Variants in MED13 observed in about 807,000 individuals in gnomAD.
MED13 encodes the protein mediator of RNA polymerase II transcription subunit 13.
A neutral mutation model predicts 225.2 loss-of-function variants in MED13; 23 were observed. That is an observed-to-expected ratio of 0.10 (90% CI 0.07 to 0.14). MED13 has a LOEUF of 0.14. Ranked by LOEUF, MED13 falls within the 10% of genes least tolerant of loss-of-function variation. The probability of loss-of-function intolerance (pLI) is 1.00; values close to 1 mark genes in which losing one functional copy is unlikely to be tolerated. For missense variants in MED13, 2,197 were observed against 2,594.5 expected (o/e 0.85, Z 3.33); for synonymous variants, 942 against 889.2 (o/e 1.06, Z -1.06).
rs747320962 is a variant in MED13, at chr17:62,011,184, A to G, written c.1333T>C (p.Ser445Pro). 1.2e-6 allele frequency: 2 copies of G among 1,614,120 alleles called. No individual in the cohort carries two copies. The highest frequency in any genetic ancestry group is 4.5e-5 in the East Asian group (2 of 44,890). ...RNAGQQGQAP[S>P]LGQQQQILPK... ...AGTATTTGTTGTTGCTGACCTAAAG[A>G]TGGTGCCTGTCCTTGTTGTCCAGCA... is the stretch of plus-strand genomic sequence containing the variant. The change falls in exon 9 of 30, where the codon TCT becomes CCT. Residue 445 changes from serine (S) to proline (P), a missense_variant. By Grantham distance (74) the Ser-to-Pro change is moderately conservative (BLOSUM62 -1). This residue lies in a region of MED13 where 884 missense variants were observed against 918.5 expected (regional missense o/e 0.96). Transcript: ENST00000397786.
chr17:62,032,816 G>A (rs904255675), intron 5 of MED13, among the ~76,000 whole-genome samples: 2 of 152,188 alleles, frequency 1.3e-5, no homozygotes, highest in Non-Finnish European at 2.9e-5. Flanking sequence ...CTGGGTCCCT[G>A]AATGAGAGGA....
chr17:62,047,203 T>C (rs2080905872), intron 3 of MED13, among the ~76,000 whole-genome samples: 1 of 151,968 alleles, frequency 6.6e-6, no homozygotes, highest in Non-Finnish European at 1.5e-5. Context: ...AAACCCCGTC[T>C]CTACTAAAAA....
intron 3 of MED13, among the ~76,000 whole-genome samples, chr17:62,049,205 G>T (rs767195698): frequency 2.1e-4 from 32 of 151,212 alleles, no homozygotes; most frequent in Non-Finnish European, 3.8e-4. Context: ...CGGAAAAGAA[G>T]AATGAAGGGT....
At chr17:61,972,661 A>G in intron 17 of MED13, 66 bp downstream of exon 17, 6 of 1,350,272 alleles carry the variant, frequency 4.4e-6, no homozygotes, top group Non-Finnish European at 6.1e-6. Flanking sequence ...TGCTTATTCT[A>G]GTTGGGCACA....
rs1424668479 is a variant in MED13 at position 61,945,820 on chromosome 17, A to G, written c.*648T>C. 2 of 152,532 alleles carry G rather than the reference A, an allele frequency of 1.3e-5. No individual in the cohort carries two copies. Among genetic ancestry groups the G allele is most frequent in the South Asian group, 4.1e-4 (2 of 4,834 alleles). 9.4% of individuals were successfully genotyped at this position (152,532 alleles called of 1,614,324 possible). On this transcript the variant is annotated 3_prime_UTR_variant, in exon 30 of 30. Coordinates refer to ENST00000397786, the MANE Select transcript of MED13 (RefSeq NM_005121.3). ...TCCCCGTTAAACTGTACATCGAGACAATACAAATTTACTGTCCCACCCACC... is the reference window on the plus strand; with the variant it reads ...TCCCCGTTAAACTGTACATCGAGACGATACAAATTTACTGTCCCACCCACC...
At position 62,033,702 on chromosome 17, in the gene MED13, T is replaced by C. The variant is rs1312955291; in HGVS notation, c.814+85A>G. The C allele has an allele frequency of 7.0e-6, 9 of 1,287,210 alleles. No homozygotes were observed. In the Admixed American group the frequency reaches 1.8e-4, roughly 26 times the overall value. The allele number at this position is 1,287,210 out of a possible 1,614,324, so 79.7% of individuals were successfully genotyped here. On this transcript the variant is annotated intron_variant, in intron 5 of 29. Coordinates refer to ENST00000397786, the MANE Select transcript of MED13 (RefSeq NM_005121.3). The stretch of plus-strand genomic sequence containing the variant: ...TTTGGTGTTGAAAGCCACTGAGTTA[T>C]TAGACTTGTTTGTTATTCAGCAAAA...
Position 61,991,548 on chromosome 17 carries a change from C to T in MED13, c.2263+992G>A, listed in dbSNP as rs111667274. ...TGTTTGAGACAGAGTCTCGCTCTGT[C>T]GCCAGGCTGGAGTACAGTGACATGA... On this transcript the variant is annotated intron_variant, in intron 11 of 29. Coordinates refer to ENST00000397786, the MANE Select transcript of MED13 (RefSeq NM_005121.3). Among the ~76,000 whole-genome samples the T allele has an allele frequency of 3.9e-3, 587 of 151,846 alleles. 4 individuals carry two copies. Among genetic ancestry groups the T allele is most frequent in the African/African-American group, 0.013 (548 of 41,418 alleles).
intron 11 of MED13, among the ~76,000 whole-genome samples, chr17:61,988,968 C>T (rs2080271506): frequency 6.6e-6 from 1 of 152,054 alleles, no homozygotes; most frequent in Non-Finnish European, 1.5e-5. Context: ...CCCCTACCCC[C>T]AGTCTCTGGT....
chr17:61,976,863 C>T (rs902160677), intron 16 of MED13, among the ~76,000 whole-genome samples: 6 of 152,188 alleles, frequency 3.9e-5, no homozygotes, highest in Non-Finnish European at 7.4e-5. Flanking sequence ...TCCCGGTAGG[C>T]GGAGCTTGCA....
intron 9 of MED13, among the ~76,000 whole-genome samples, chr17:61,996,204 G>A (rs571077532): frequency 5.6e-4 from 85 of 152,304 alleles, no homozygotes; most frequent in African/African-American, 2.0e-3. Context: ...AAGAACCCTG[G>A]AAAGCATCAG....
At chr17:61,954,760 G>C (rs1187447864) in intron 26 of MED13, among the ~76,000 whole-genome samples, 1 of 152,150 alleles carries the variant, frequency 6.6e-6, no homozygotes, top group Non-Finnish European at 1.5e-5. Context: ...TTGGGAGACA[G>C]AGTGAGTGAG....
intron 9 of MED13, among the ~76,000 whole-genome samples, chr17:62,002,262 G>A (rs887913182): frequency 3.9e-5 from 6 of 152,098 alleles, no homozygotes; most frequent in Admixed American, 2.0e-4. Flanking sequence ...GGCTGAGGTG[G>A]GCGGATCACC....
At chr17:62,017,583 T>C (rs969177699) in intron 8 of MED13, among the ~76,000 whole-genome samples, 3 of 152,174 alleles carry the variant, frequency 2.0e-5, no homozygotes, top group South Asian at 2.1e-4. Flanking sequence ...TTTTATTATG[T>C]TGAAATTTAC....
At chr17:61,977,336 C>G (rs1046129097) in intron 16 of MED13, among the ~76,000 whole-genome samples, 1 of 152,190 alleles carries the variant, frequency 6.6e-6, no homozygotes, top group African/African-American at 2.4e-5. Context: ...ATCTGGAAAA[C>G]GAGTATCCAA....
chr17:62,063,370 G>T, intron 1 of MED13, 69 bp from the exon 2 acceptor site: 1 of 980,660 alleles, frequency 1.0e-6, no homozygotes, highest in Non-Finnish European at 1.6e-6. Flanking sequence ...TCAATATGAT[G>T]TCTCTTATTT....
Position 61,984,882 on chromosome 17 carries a change from C to G in MED13, c.2477-17G>C, listed in dbSNP as rs903395840. On this transcript the variant is annotated splice_polypyrimidine_tract_variant and intron_variant, in intron 13 of 29. Coordinates refer to ENST00000397786, the MANE Select transcript of MED13 (RefSeq NM_005121.3). Reference sequence around the variant, plus strand: ...CTGCAGTGCCTATATTTAATAAAAACATACATTTTAACATGACTAAAAATA... The same window carrying G: ...CTGCAGTGCCTATATTTAATAAAAAGATACATTTTAACATGACTAAAAATA... 4 of 1,596,922 alleles carry G rather than the reference C, an allele frequency of 2.5e-6. No homozygotes were observed. In the African/African-American group the frequency reaches 5.4e-5, roughly 22 times the overall value.
intron 27 of MED13, among the ~76,000 whole-genome samples, chr17:61,951,339 T>C (rs772558768): frequency 6.6e-6 from 1 of 152,180 alleles, no homozygotes; most frequent in Admixed American, 6.5e-5. Context: ...TTCCTTTAAG[T>C]CCTGAAAACC....
intron 17 of MED13, among the ~76,000 whole-genome samples, chr17:61,968,780 C>A (rs1455131361): frequency 6.6e-6 from 1 of 152,206 alleles, no homozygotes; most frequent in Non-Finnish European, 1.5e-5. Context: ...GAGACAGGGT[C>A]TTGCTCTATT....
rs868833101 is a variant in MED13 at position 62,041,418 on chromosome 17, T to C, written c.471-5810A>G. ...TGAAGAGCTGCCACTCATAAAATTT[T>C]ATGAGTACACATTCAGTTTGGGATG... On this transcript the variant is annotated intron_variant, in intron 3 of 29. Transcript: ENST00000397786. 2.6e-5 allele frequency among the ~76,000 whole-genome samples: 4 copies of C among 152,176 alleles called. No homozygotes were observed. In the East Asian group the frequency reaches 5.8e-4, roughly 22 times the overall value.
Sources: gnomAD v4.1 joint callset for allele counts (sites outside exome capture counted in the v4.1 genomes callset) on GRCh38, gnomAD v4.1.1 for gene constraint, gnomAD v4.1.1 regional missense constraint, MANE v1.5 for transcripts, NCBI Gene and HGNC (gene_info 2026-07-23, HGNC 2026-07-21) for gene names.